Variants in FRMD6 observed in about 807,000 individuals in gnomAD.
FRMD6 encodes the protein FERM domain containing 6.
In FRMD6, 37 loss-of-function variants were observed where a neutral mutation model predicts 73.2. That is an observed-to-expected ratio of 0.51 (90% CI 0.39 to 0.66). FRMD6 has a LOEUF of 0.66. FRMD6 is among the 30% of genes least tolerant of loss of function. FRMD6 has a pLI of 0.00. For synonymous variants in FRMD6, 273 were observed against 282.2 expected (o/e 0.97, Z 0.33); for missense variants, 714 against 780.5 (o/e 0.91, Z 1.02).
At chr14:51,659,720 T>C (rs894330796) in intron 1 of FRMD6, among the ~76,000 whole-genome samples, 1 of 152,228 alleles carries the variant, frequency 6.6e-6, no homozygotes, top group Non-Finnish European at 1.5e-5. Context: ...AGAGTACCAC[T>C]GACTGGCCCA....
the FRMD6 span, among the ~76,000 whole-genome samples, chr14:51,468,990 G>T: frequency 6.6e-6 from 1 of 152,090 alleles, no homozygotes; most frequent in Non-Finnish European, 1.5e-5. Context: ...GCCCAGGCTG[G>T]AGTGCAGTGG....
chr14:51,622,805 AC>A (rs1890972098), intron 2 of FRMD6, among the ~76,000 whole-genome samples: 1 of 152,152 alleles, frequency 6.6e-6, no homozygotes. Flanking sequence ...TTACACTGTC[AC>A]CCAGGCTAGA....
intron 1 of FRMD6, among the ~76,000 whole-genome samples, chr14:51,520,882 C>G (rs897244400): frequency 1.6e-4 from 25 of 151,918 alleles, no homozygotes; most frequent in African/African-American, 4.8e-4. Context: ...TGCCCTCCAG[C>G]CTGGGCAATA....
chr14:51,623,208 G>A (rs1401060555), intron 2 of FRMD6, among the ~76,000 whole-genome samples: 1 of 152,202 alleles, frequency 6.6e-6, no homozygotes, highest in Non-Finnish European at 1.5e-5. Context: ...GGAATAGGTG[G>A]TTGTTAAAAC....
In FRMD6 at chr14:51,704,947, T is replaced by C; in HGVS notation, c.558+12T>C. On this transcript the variant is annotated intron_variant, in intron 6 of 13. Coordinates refer to ENST00000344768, the MANE Select transcript of FRMD6 (RefSeq NM_001267046.2). ...ACTTCCCATCTTGGGTAAGCACTGT[T>C]TTCAAATTCGAAAGAGTGTTTTCTC... The C allele has an allele frequency of 1.9e-6, 3 of 1,589,676 alleles. No homozygotes were observed. The highest frequency in any genetic ancestry group is 2.6e-6 in the Non-Finnish European group (3 of 1,162,546).
intron 1 of FRMD6, among the ~76,000 whole-genome samples, chr14:51,511,185 A>T (rs1253827509): frequency 6.6e-6 from 1 of 152,202 alleles, no homozygotes; most frequent in Non-Finnish European, 1.5e-5. Flanking sequence ...ACAGAGACAG[A>T]TTTTTTAATC....
chr14:51,502,827 G>A (rs555047277), intron 1 of FRMD6, among the ~76,000 whole-genome samples: 8 of 152,272 alleles, frequency 5.3e-5, no homozygotes, highest in Non-Finnish European at 8.8e-5. Context: ...TTCTATCTAT[G>A]AGCATGGAAT....
chr14:51,682,267 T>A (rs1322537055), intron 1 of FRMD6, among the ~76,000 whole-genome samples: 1 of 152,208 alleles, frequency 6.6e-6, no homozygotes, highest in Non-Finnish European at 1.5e-5. Context: ...ACTCAGATTT[T>A]ATCCCCCATC....
chr14:51,610,867 T>C (rs1425759115), intron 2 of FRMD6, among the ~76,000 whole-genome samples: 1 of 152,176 alleles, frequency 6.6e-6, no homozygotes, highest in East Asian at 1.9e-4. Flanking sequence ...AAAAGAAAAT[T>C]AGAAAAACAA....
chr14:51,521,101 G>A (rs1362156080), intron 1 of FRMD6, among the ~76,000 whole-genome samples: 3 of 152,172 alleles, frequency 2.0e-5, no homozygotes, highest in South Asian at 2.1e-4. Flanking sequence ...GGGGCTGGGG[G>A]AAGTGATTAT....
At chr14:51,695,349 A>G (rs1003864691) in intron 2 of FRMD6, among the ~76,000 whole-genome samples, 1 of 152,222 alleles carries the variant, frequency 6.6e-6, no homozygotes, top group Admixed American at 6.6e-5. Context: ...AATGGAACTC[A>G]AAATCCAGAG....
rs142526761 is a variant in FRMD6 at position 51,698,169 on chromosome 14, G to T, written c.127G>T (p.Val43Phe). The part of the protein sequence containing the change: ...NVKILCHQLL[V>F]QVCDLLRLKD... ...TAAGATTCTGTGTCACCAGTTGCTG[G>T]TCCAGGTTTGTGACCTGCTCAGGCT... The change falls in exon 3 of 14, where the codon GTC (valine) becomes TTC (phenylalanine). Residue 43 changes from valine to phenylalanine, a missense_variant. Coordinates refer to ENST00000344768, the MANE Select transcript of FRMD6 (RefSeq NM_001267046.2). 1.2e-6 allele frequency: 2 copies of T among 1,612,260 alleles called. No individual in the cohort carries two copies. The highest frequency in any genetic ancestry group is 1.1e-5 in the South Asian group (1 of 90,952).
chr14:51,661,109 T>G (rs1213886648), intron 1 of FRMD6, among the ~76,000 whole-genome samples: 1 of 152,136 alleles, frequency 6.6e-6, no homozygotes, highest in African/African-American at 2.4e-5. Flanking sequence ...AGGATTTGAT[T>G]TGCATTTTAA....
At chr14:51,721,685 A>G (rs1339301865) in intron 11 of FRMD6, among the ~76,000 whole-genome samples, 3 of 137,928 alleles carry the variant, frequency 2.2e-5, no homozygotes, top group Non-Finnish European at 3.1e-5. Context: ...CCTGTTGAAA[A>G]TGGTCCCAGG....
chr14:51,676,001 A>T lies in FRMD6; in HGVS notation c.-146-13690A>T, dbSNP rs576155555. 5.3e-5 allele frequency among the ~76,000 whole-genome samples: 8 copies of T among 152,284 alleles called. No individual in the cohort carries two copies. In the East Asian group the frequency reaches 1.5e-3, roughly 29 times the overall value. ...CATTTGGGTATGTTTAATTTAGTAAATTATTTTAGCACGTTTCTTAACTTT... is the reference window on the plus strand; with the variant it reads ...CATTTGGGTATGTTTAATTTAGTAATTTATTTTAGCACGTTTCTTAACTTT... On this transcript the variant is annotated intron_variant, in intron 1 of 13. Transcript: ENST00000344768.
chr14:51,429,582 G>C, the FRMD6 span, among the ~76,000 whole-genome samples: 1 of 152,134 alleles, frequency 6.6e-6, no homozygotes, highest in Admixed American at 6.5e-5. Flanking sequence ...CATCTCATGC[G>C]TTTGGACAGA....
chr14:51,560,777 C>T (rs1956564), intron 1 of FRMD6, among the ~76,000 whole-genome samples: 57,100 of 151,934 alleles, frequency 0.38, 10,953 homozygotes, highest in East Asian at 0.51. Flanking sequence ...AGTCACCGCA[C>T]CTGGCTGATC....
intron 2 of FRMD6, among the ~76,000 whole-genome samples, chr14:51,625,697 C>T (rs1468313956): frequency 6.6e-6 from 1 of 152,196 alleles, no homozygotes; most frequent in South Asian, 2.1e-4. Context: ...TCATTCCAAG[C>T]TGGAGGTCTT....
chr14:51,436,395 A>G, the FRMD6 span: 2 of 458,846 alleles, frequency 4.4e-6, no homozygotes, highest in East Asian at 1.0e-4. Context: ...GCATTACTTG[A>G]CCAGAGTCGA....
Sources: allele counts gnomAD v4.1 joint callset (sites outside exome capture counted in the v4.1 genomes callset), GRCh38; gene constraint gnomAD v4.1.1; transcripts MANE v1.5; gene names NCBI Gene and HGNC (gene_info 2026-07-23, HGNC 2026-07-21).